MAP3K3: variants seen among roughly 807,000 people sequenced by gnomAD.
MAP3K3 encodes MAP/ERK kinase kinase 3.
In MAP3K3, 12 loss-of-function variants were observed where a neutral mutation model predicts 80.9. The ratio of observed to expected loss-of-function variants is 0.15; its 90% CI spans 0.10 to 0.24. The LOEUF (loss-of-function observed/expected upper bound fraction) is 0.24, where lower values mean the gene tolerates loss of function less well. Ranked by LOEUF, MAP3K3 falls within the 10% of genes least tolerant of loss-of-function variation. The probability of loss-of-function intolerance (pLI) is 1.00; values close to 1 mark genes in which losing one functional copy is unlikely to be tolerated. For missense variants in MAP3K3, 596 were observed against 834.7 expected (o/e 0.71, Z 3.52); for synonymous variants, 272 against 307.1 (o/e 0.89, Z 1.19).
chr17:63,690,934 C>T, intron 12 of MAP3K3, 168 bp from the exon 13 acceptor site: 2 of 775,700 alleles, frequency 2.6e-6, no homozygotes, highest in Non-Finnish European at 4.1e-6. Flanking sequence ...CCAAGGCCTG[C>T]CCAGCATTGT....
chr17:63,669,883 C>T (rs571070301), intron 6 of MAP3K3, among the ~76,000 whole-genome samples: 1 of 152,150 alleles, frequency 6.6e-6, no homozygotes, highest in Non-Finnish European at 1.5e-5. Context: ...GGGTGGATTG[C>T]TTGAGCCTCA....
In MAP3K3 at chr17:63,685,643, A is replaced by G. The variant is rs185971550; in HGVS notation, c.710+53A>G. ...TAATGCATAGGCATTTTTGGAATTG[A>G]TGGGTTGAGGAAGAAGAGTTAGCTC... On this transcript the variant is annotated intron_variant, in intron 8 of 15. Coordinates refer to ENST00000361733, the MANE Select transcript of MAP3K3 (RefSeq NM_002401.5). The G allele has an allele frequency of 5.5e-5, 81 of 1,472,142 alleles. No homozygotes were observed. The African/African-American group carries it at 1.1e-3, about 20-fold the overall frequency. 91.2% of individuals were successfully genotyped at this position (1,472,142 alleles called of 1,614,324 possible).
At chr17:63,655,709 G>A (rs1568134514) in intron 4 of MAP3K3, among the ~76,000 whole-genome samples, 2 of 151,960 alleles carry the variant, frequency 1.3e-5, no homozygotes, top group Admixed American at 6.6e-5. Flanking sequence ...GCCCAGGCTG[G>A]TCTTAAACTC....
Position 63,689,463 on chromosome 17 carries a change from G to A in MAP3K3, c.872-81G>A. On this transcript the variant is annotated intron_variant, in intron 10 of 15. Coordinates refer to ENST00000361733, the MANE Select transcript of MAP3K3 (RefSeq NM_002401.5). This position sits in a 1 kb window ranked among gnomAD's most constrained non-coding sequence, Gnocchi z 4.3. ...TTGTATATTCCGCCTTGTAGCCCGG[G>A]GTGTCTCAGACCTGGTTTGTACGTT... is the stretch of plus-strand genomic sequence containing the variant. The A allele has an allele frequency of 8.1e-7, 1 of 1,231,364 alleles. No individual in the cohort carries two copies. The highest frequency in any genetic ancestry group is 1.1e-6 in the Non-Finnish European group (1 of 879,686). 76.3% of individuals were successfully genotyped at this position (1,231,364 alleles called of 1,614,324 possible). A position where few individuals can be genotyped will look rare whatever the true frequency, so the allele number is the denominator to read the frequency against.
At chr17:63,666,450 A>G (rs747980771) in intron 5 of MAP3K3, among the ~76,000 whole-genome samples, 4 of 152,194 alleles carry the variant, frequency 2.6e-5, no homozygotes, top group African/African-American at 9.6e-5. Context: ...CCTGGGCAAC[A>G]TAGCAAGACT....
intron 6 of MAP3K3, among the ~76,000 whole-genome samples, chr17:63,674,407 C>T (rs111949114): frequency 0.022 from 3,338 of 152,194 alleles, 121 homozygotes; most frequent in African/African-American, 0.076. Flanking sequence ...TCTCTGTCAC[C>T]CAGGCTGGAG....
chr17:63,672,593 T>C lies in MAP3K3; in HGVS notation c.502+5533T>C, dbSNP rs562639870. ...ATTGGAAATTGTTATGTTGAAACCATGCACCCAGGCGAGAGTGCCTAAGCA... is the reference window on the plus strand; with the variant it reads ...ATTGGAAATTGTTATGTTGAAACCACGCACCCAGGCGAGAGTGCCTAAGCA... On this transcript the variant is annotated intron_variant, in intron 6 of 15. Coordinates refer to ENST00000361733, the MANE Select transcript of MAP3K3 (RefSeq NM_002401.5). Among the ~76,000 whole-genome samples, 78 of 152,254 alleles carry C rather than the reference T, an allele frequency of 5.1e-4. 2 individuals carry two copies. Among genetic ancestry groups the C allele is most frequent in the African/African-American group, 1.8e-3 (76 of 41,526 alleles).
chr17:63,657,970 T>C (rs1406582123), intron 5 of MAP3K3, 63 bp downstream of exon 5: 2 of 911,946 alleles, frequency 2.2e-6, no homozygotes, highest in Non-Finnish European at 3.5e-6. Flanking sequence ...CAGGAACTTG[T>C]CTCGCCTCCT....
Position 63,689,692 on chromosome 17 carries a change from C to T in MAP3K3, c.1020C>T (p.Ser340=), listed in dbSNP as rs774934082. 1.4e-5 allele frequency: 23 copies of T among 1,613,744 alleles called. No individual in the cohort carries two copies. The Admixed American group carries it at 3.0e-4, about 21-fold the overall frequency. ...DPRGRLRSAD[S]ENALSVQERN... Reference sequence around the variant, plus strand: ...GTGGGCGCCTGCGGAGTGCGGACAGCGAGAATGCCCTCTCTGTGCAGGAGA... The same window carrying T: ...GTGGGCGCCTGCGGAGTGCGGACAGTGAGAATGCCCTCTCTGTGCAGGAGA... Residue 340 remains serine, a synonymous_variant, in exon 11 of 16, where the codon AGC becomes AGT. Transcript: ENST00000361733. This position sits in a 1 kb window ranked among gnomAD's most constrained non-coding sequence, Gnocchi z 4.3.
chr17:63,676,588 T>C (rs1268305251), intron 6 of MAP3K3, among the ~76,000 whole-genome samples: 1 of 152,252 alleles, frequency 6.6e-6, no homozygotes, highest in Non-Finnish European at 1.5e-5. Flanking sequence ...AGTTCAGTTG[T>C]GCAGAGGAGA....
intron 9 of MAP3K3, 61 bp from the exon 10 acceptor site, chr17:63,688,728 G>C (rs2035516204): frequency 7.0e-7 from 1 of 1,421,296 alleles, no homozygotes; most frequent in African/African-American, 1.4e-5. Flanking sequence ...TTGGGGACTT[G>C]GGGGCTTAAG....
At chr17:63,658,976 T>C (rs2034829442) in intron 5 of MAP3K3, among the ~76,000 whole-genome samples, 1 of 152,174 alleles carries the variant, frequency 6.6e-6, no homozygotes, top group African/African-American at 2.4e-5. Flanking sequence ...CCTCAGGTGA[T>C]CCACCCGCCT....
At position 63,689,685 on chromosome 17, in the gene MAP3K3, C is replaced by T. The variant is rs201458544; in HGVS notation, c.1013C>T (p.Ala338Val). Residue 338 changes from alanine (A) to valine (V), a missense_variant, in exon 11 of 16, where the codon GCG becomes GTG. By Grantham distance (64) the Ala-to-Val change is moderately conservative (BLOSUM62 0). Transcript: ENST00000361733. This position sits in a 1 kb window ranked among gnomAD's most constrained non-coding sequence, Gnocchi z 4.3. ...GACCCCCGTGGGCGCCTGCGGAGTGCGGACAGCGAGAATGCCCTCTCTGTG... is the reference window on the plus strand; with the variant it reads ...GACCCCCGTGGGCGCCTGCGGAGTGTGGACAGCGAGAATGCCCTCTCTGTG... ...YLDPRGRLRS[A>V]DSENALSVQE... 1.6e-4 allele frequency: 262 copies of T among 1,613,846 alleles called. 1 individual carries two copies. The Admixed American group carries it at 4.1e-3, about 25-fold the overall frequency.
intron 5 of MAP3K3, among the ~76,000 whole-genome samples, chr17:63,661,390 C>T (rs991508277): frequency 6.6e-6 from 1 of 152,170 alleles, no homozygotes; most frequent in Non-Finnish European, 1.5e-5. Context: ...TGGTCTCTAC[C>T]ATCATTTTAA....
At chr17:63,690,822 A>G (rs764900004) in intron 12 of MAP3K3, among the ~76,000 whole-genome samples, 1 of 152,214 alleles carries the variant, frequency 6.6e-6, no homozygotes, top group Non-Finnish European at 1.5e-5. Context: ...AACGTCGCTT[A>G]TACTTCAAGT....
chr17:63,631,621 T>C (rs1033108729), intron 1 of MAP3K3, among the ~76,000 whole-genome samples: 5 of 152,198 alleles, frequency 3.3e-5, no homozygotes, highest in African/African-American at 1.2e-4. Flanking sequence ...TGGGAAAAAT[T>C]TGTACAACAT....
At chr17:63,651,205 C>A (rs544796905) in intron 3 of MAP3K3, among the ~76,000 whole-genome samples, 4 of 152,042 alleles carry the variant, frequency 2.6e-5, no homozygotes, top group Non-Finnish European at 5.9e-5. Context: ...TTTTATTGGC[C>A]AAGCATGGTG....
Position 63,667,076 on chromosome 17 carries a change from C to G in MAP3K3, c.502+16C>G. The G allele has an allele frequency of 2.6e-6, 4 of 1,563,386 alleles. No homozygotes were observed. The highest frequency in any genetic ancestry group is 3.4e-6 in the Non-Finnish European group (4 of 1,160,492). ...CTCTCTGTCAGTGAGTATTTCAACC[C>G]TTTTTTCTCCCCCTCTATTTTATCT... On this transcript the variant is annotated intron_variant, in intron 6 of 15. Coordinates refer to ENST00000361733, the MANE Select transcript of MAP3K3 (RefSeq NM_002401.5).
intron 6 of MAP3K3, among the ~76,000 whole-genome samples, chr17:63,676,104 C>T (rs1310502951): frequency 6.6e-6 from 1 of 152,200 alleles, no homozygotes; most frequent in Admixed American, 6.5e-5. Flanking sequence ...ACTTCCTTTT[C>T]CTGCTCCAGC....
Sources: gnomAD v4.1 joint callset for allele counts (sites outside exome capture counted in the v4.1 genomes callset) on GRCh38, gnomAD v4.1.1 for gene constraint, Gnocchi (gnomAD v3.1) non-coding constraint, MANE v1.5 for transcripts, NCBI Gene and HGNC (gene_info 2026-07-23, HGNC 2026-07-21) for gene names.